Variants in NELL1 observed in about 807,000 individuals in gnomAD.
The protein encoded by NELL1 is neural EGFL like 1.
A neutral mutation model predicts 107.4 loss-of-function variants in NELL1; 76 were observed. That is an observed-to-expected ratio of 0.71 (90% CI 0.59 to 0.86). The LOEUF (loss-of-function observed/expected upper bound fraction) is 0.86. NELL1 is among the 40% of genes least tolerant of loss of function. The pLI is 0.00. For synonymous variants in NELL1, 353 were observed against 341.2 expected, an observed-to-expected ratio of 1.03 and a Z score of -0.38; for missense variants, 1,024 against 1,005.5, an observed-to-expected ratio of 1.02 and a Z score of -0.25.
intron 11 of NELL1, among the ~76,000 whole-genome samples, chr11:20,948,771 A>T (rs935381407): frequency 6.6e-6 from 1 of 151,376 alleles, no homozygotes; most frequent in Admixed American, 6.6e-5. Flanking sequence ...ATCTTAAAAA[A>T]AAAAAAAAAA....
chr11:20,783,786 A>T lies in NELL1; in HGVS notation c.291A>T (p.Pro97=). ...FTILATVQQK[P]STSGVILSIR... is the part of the protein sequence containing the mutation. ...TTTTGGCCACTGTACAGCAGAAGCC[A>T]TCCACTTCAGGAGTGATACTGTCCA... Residue 97 remains proline, a synonymous_variant, in exon 3 of 20, where the codon CCA becomes CCT. Coordinates refer to ENST00000357134, the MANE Select transcript of NELL1 (RefSeq NM_006157.5). The T allele has an allele frequency of 6.2e-7, 1 of 1,614,110 alleles. No individual in the cohort carries two copies. The highest frequency in any genetic ancestry group is 8.5e-7 in the Non-Finnish European group (1 of 1,179,976).
chr11:20,989,693 T>C (rs1851929154), intron 12 of NELL1, among the ~76,000 whole-genome samples: 1 of 152,070 alleles, frequency 6.6e-6, no homozygotes, highest in Non-Finnish European at 1.5e-5. Flanking sequence ...GACTTCTGTT[T>C]ATAGAAATTC....
At chr11:21,143,966 G>A (rs564317313) in intron 13 of NELL1, among the ~76,000 whole-genome samples, 2 of 152,200 alleles carry the variant, frequency 1.3e-5, no homozygotes, top group African/African-American at 4.8e-5. Context: ...AGTAACAGGA[G>A]GTGAAGGAAG....
intron 8 of NELL1, among the ~76,000 whole-genome samples, chr11:20,927,694 G>A (rs1369811013): frequency 6.6e-6 from 1 of 152,128 alleles, no homozygotes; most frequent in Non-Finnish European, 1.5e-5. Flanking sequence ...GGCAATGTTT[G>A]GAGTTTGAAG....
intron 13 of NELL1, among the ~76,000 whole-genome samples, chr11:21,182,102 A>G (rs1012534572): frequency 4.0e-5 from 6 of 151,864 alleles, no homozygotes; most frequent in African/African-American, 1.5e-4. Flanking sequence ...CTGAGATTCA[A>G]ATTCTAGCAG....
At position 20,837,118 on chromosome 11, in the gene NELL1, A is replaced by T. The variant is rs187470619; in HGVS notation, c.336-10465A>T. ...AAATTAATGGCGTATGTAGGACTAA[A>T]GGCGGAAGGAACTGTATATAGACAC... On this transcript the variant is annotated intron_variant, in intron 3 of 19. Transcript: ENST00000357134. Among the ~76,000 whole-genome samples the T allele has an allele frequency of 2.5e-3, 381 of 152,278 alleles. 2 individuals are homozygous for T. The highest frequency in any genetic ancestry group is 8.6e-3 in the African/African-American group (359 of 41,580).
At chr11:20,736,729 C>T (rs1855770520) in intron 2 of NELL1, among the ~76,000 whole-genome samples, 1 of 148,876 alleles carries the variant, frequency 6.7e-6, no homozygotes. Context: ...TGGACCCCTA[C>T]CCTCCTCCCC....
chr11:21,522,765 A>G (rs1029810854), intron 15 of NELL1, among the ~76,000 whole-genome samples: 1 of 146,674 alleles, frequency 6.8e-6, no homozygotes, highest in African/African-American at 2.5e-5. Flanking sequence ...TGGCCAATTC[A>G]TTCTTTTTAT....
chr11:21,050,451 G>T (rs1045533386), intron 12 of NELL1, among the ~76,000 whole-genome samples: 2 of 151,806 alleles, frequency 1.3e-5, no homozygotes, highest in South Asian at 2.1e-4. Flanking sequence ...ATTTAATAAG[G>T]TGTCATATGA....
At chr11:21,156,983 T>C (rs1447193949) in intron 13 of NELL1, among the ~76,000 whole-genome samples, 1 of 150,874 alleles carries the variant, frequency 6.6e-6, no homozygotes, top group African/African-American at 2.4e-5. Context: ...GCACCTGTAA[T>C]CTCAGCTACT....
chr11:20,933,445 T>C (rs1453684963), intron 9 of NELL1, among the ~76,000 whole-genome samples: 1 of 152,164 alleles, frequency 6.6e-6, no homozygotes, highest in Admixed American at 6.5e-5. Flanking sequence ...TACATTCCGT[T>C]TGACATGTTT....
intron 13 of NELL1, among the ~76,000 whole-genome samples, chr11:21,193,367 T>G (rs1371623075): frequency 6.6e-6 from 1 of 151,784 alleles, no homozygotes; most frequent in Non-Finnish European, 1.5e-5. Context: ...GTGTGGAAAC[T>G]GGGTAATTTT....
chr11:21,257,033 T>G (rs924675027), intron 14 of NELL1, among the ~76,000 whole-genome samples: 2 of 151,966 alleles, frequency 1.3e-5, no homozygotes, highest in African/African-American at 2.4e-5. Context: ...ACAGGAAAAT[T>G]AATTTCCTAG....
chr11:20,705,148 A>G (rs1446147080), intron 2 of NELL1, among the ~76,000 whole-genome samples: 6 of 152,090 alleles, frequency 3.9e-5, no homozygotes, highest in Admixed American at 2.6e-4. Context: ...TCTTCACAGA[A>G]ATGGAAAAAA....
At chr11:21,057,099 G>C (rs1568112) in intron 12 of NELL1, among the ~76,000 whole-genome samples, 98,982 of 151,970 alleles carry the variant, frequency 0.65, 33,261 homozygotes, top group East Asian at 0.81. Flanking sequence ...GTGAGTGTAT[G>C]CTTAATATAT....
At chr11:20,988,987 T>G (rs1851913455) in intron 12 of NELL1, among the ~76,000 whole-genome samples, 1 of 152,196 alleles carries the variant, frequency 6.6e-6, no homozygotes, top group Admixed American at 6.5e-5. Context: ...TATTTGATGC[T>G]AATTCTTGCA....
chr11:20,865,375 A>T (rs1038440794), intron 4 of NELL1, among the ~76,000 whole-genome samples: 2 of 152,178 alleles, frequency 1.3e-5, no homozygotes, highest in African/African-American at 4.8e-5. Context: ...GGGTGTGCTC[A>T]GGTATCACCT....
At chr11:21,290,640 A>T (rs1331699908) in intron 14 of NELL1, among the ~76,000 whole-genome samples, 2 of 152,124 alleles carry the variant, frequency 1.3e-5, no homozygotes, top group Non-Finnish European at 2.9e-5. Flanking sequence ...AAGCTTCCAG[A>T]GGAAGGAACA....
intron 15 of NELL1, among the ~76,000 whole-genome samples, chr11:21,432,937 G>C (rs1038120459): frequency 6.6e-6 from 1 of 152,068 alleles, no homozygotes; most frequent in African/African-American, 2.4e-5. Flanking sequence ...GCCTACAGTG[G>C]TACAACACAC....
Sources: allele counts gnomAD v4.1 joint callset (sites outside exome capture counted in the v4.1 genomes callset), GRCh38; gene constraint gnomAD v4.1.1; transcripts MANE v1.5; gene names NCBI Gene and HGNC (gene_info 2026-07-23, HGNC 2026-07-21).